Variants in GRTP1 observed in about 807,000 individuals in gnomAD.
GRTP1 encodes growth hormone-regulated TBC protein 1.
A neutral mutation model predicts 38.1 loss-of-function variants in GRTP1; 56 were observed. The observed-to-expected ratio is 1.47, with a 90% CI of 1.19 to 1.84. GRTP1 has a LOEUF of 1.84. GRTP1 is among the 40% of genes most tolerant of loss of function. GRTP1 has a pLI of 0.00. For synonymous variants in GRTP1, 217 were observed against 189.5 expected, an observed-to-expected ratio of 1.14 and a Z score of -1.19; for missense variants, 506 against 453.9, an observed-to-expected ratio of 1.11 and a Z score of -1.04.
intron 4 of GRTP1, among the ~76,000 whole-genome samples, chr13:113,347,609 C>T (rs796499031): frequency 4.3e-5 from 3 of 69,642 alleles, no homozygotes; most frequent in South Asian, 4.5e-4. Context: ...CCCGGGAGGA[C>T]CTCTGTGGCT....
At chr13:113,338,183 G>A (rs749194275) in intron 5 of GRTP1, among the ~76,000 whole-genome samples, 1 of 152,090 alleles carries the variant, frequency 6.6e-6, no homozygotes, top group Non-Finnish European at 1.5e-5. Context: ...GGGGAGCGGC[G>A]TCTGCACCTT....
intron 3 of GRTP1, among the ~76,000 whole-genome samples, chr13:113,351,199 C>T (rs1340782833): frequency 2.6e-5 from 4 of 152,112 alleles, no homozygotes; most frequent in African/African-American, 7.2e-5. Context: ...CCGTCCTTCC[C>T]GCAGAGTCAG....
intron 5 of GRTP1, among the ~76,000 whole-genome samples, chr13:113,337,445 CT>C (rs2042968659): frequency 6.6e-6 from 1 of 152,186 alleles, no homozygotes; most frequent in African/African-American, 2.4e-5. Context: ...CTCAATTAAA[CT>C]TTATCTGCTA....
chr13:113,324,690 C>G, intron 7 of GRTP1, 113 bp from the exon 8 acceptor site: 1 of 1,484,024 alleles, frequency 6.7e-7, no homozygotes. Context: ...GAGGAGCAGT[C>G]CACATCCAAG....
chr13:113,325,895 C>T (rs528771649), intron 6 of GRTP1, 24 bp downstream of exon 6: 2 of 1,613,914 alleles, frequency 1.2e-6, no homozygotes, highest in African/African-American at 1.3e-5. Flanking sequence ...CCCGCCCGCC[C>T]CAGGGCCCGA....
chr13:113,363,762 C>T lies in GRTP1; in HGVS notation c.181G>A (p.Val61Met), dbSNP rs533089927. Residue 61 changes from valine (V) to methionine (M), a missense_variant and splice_region_variant, in exon 2 of 8, where the codon GTG becomes ATG. By Grantham distance (21) the Val-to-Met change is conservative. Coordinates refer to ENST00000375431, the MANE Select transcript of GRTP1 (RefSeq NM_024719.4). ...QGGGVPRSRT[V>M]KRYVRKGVPL... ...ACCCACCTGCGCCCCCGGGACCCAC[C>T]TGTCCGGCTCCTGGGGACGCCCCCG... is the stretch of plus-strand genomic sequence containing the variant. The T allele has an allele frequency of 6.2e-7, 1 of 1,608,026 alleles. No homozygotes were observed. The highest frequency in any genetic ancestry group is 1.1e-5 in the South Asian group (1 of 90,316).
At chr13:113,354,373 G>C (rs1357798846) in intron 3 of GRTP1, among the ~76,000 whole-genome samples, 1 of 152,174 alleles carries the variant, frequency 6.6e-6, no homozygotes, top group Admixed American at 6.5e-5. Context: ...GATGCACCAT[G>C]TCCTCCCCGT....
rs540790968 is a variant in GRTP1, at chr13:113,355,475, C to A, written c.188G>T (p.Arg63Leu). ...CAGCGGGACCCCTTTCCGGACATAG[C>A]GCTTCACTGAAGGCCGAGAGGACGG... ...GGVPRSRTVKRYVRKGVPLEH... is the reference protein window; with the variant it reads ...GGVPRSRTVKLYVRKGVPLEH... The change falls in exon 3 of 8, where the codon CGC becomes CTC. Residue 63 changes from arginine to leucine, a missense_variant. Arg to Leu is a moderately radical substitution (Grantham distance 102). Coordinates refer to ENST00000375431, the MANE Select transcript of GRTP1 (RefSeq NM_024719.4). 1.1e-4 allele frequency: 175 copies of A among 1,608,964 alleles called. No homozygotes were observed. In the African/African-American group the frequency reaches 2.1e-3, roughly 19 times the overall value.
intron 4 of GRTP1, among the ~76,000 whole-genome samples, chr13:113,347,550 C>A (rs2043177877): frequency 1.2e-5 from 1 of 84,638 alleles, no homozygotes. Flanking sequence ...CCGGGAGGAC[C>A]TCTGTGGCAG....
chr13:113,339,660 T>A (rs2043000300), intron 5 of GRTP1: 1 of 152,244 alleles, frequency 6.6e-6, no homozygotes, highest in Non-Finnish European at 1.5e-5. Context: ...CTATCTGGCT[T>A]CGCAATTTTG....
rs1336481083 is a variant in GRTP1 at position 113,343,553 on chromosome 13, C to A, written c.562+1310G>T. ...AGGACACACACTATGGTCTGTGAGT[C>A]ACACAGCCAGGATCTGAACCAGGCT... On this transcript the variant is annotated intron_variant, in intron 5 of 7. Transcript: ENST00000375431. This position sits in a 1 kb window ranked among gnomAD's most constrained non-coding sequence, Gnocchi z 4.8. Among the ~76,000 whole-genome samples, 3 of 152,230 alleles carry A rather than the reference C, an allele frequency of 2.0e-5. No homozygotes were observed. Among genetic ancestry groups the A allele is most frequent in the Non-Finnish European group, 2.9e-5 (2 of 68,044 alleles).
At chr13:113,363,038 C>G (rs916970722) in intron 2 of GRTP1, among the ~76,000 whole-genome samples, 2 of 152,194 alleles carry the variant, frequency 1.3e-5, no homozygotes, top group African/African-American at 4.8e-5. Flanking sequence ...CCAGCAGGGG[C>G]TGTGCTGGGA....
chr13:113,332,924 C>T (rs887150049), intron 5 of GRTP1, among the ~76,000 whole-genome samples: 1 of 152,282 alleles, frequency 6.6e-6, no homozygotes, highest in Non-Finnish European at 1.5e-5. Context: ...CCAGTGTGTG[C>T]AGCCCAGGAG....
chr13:113,331,845 C>T (rs202132355), intron 5 of GRTP1, among the ~76,000 whole-genome samples: 2 of 150,474 alleles, frequency 1.3e-5, no homozygotes, highest in Admixed American at 1.3e-4. Flanking sequence ...TTAGTAGAGA[C>T]GGGGTTTCAT....
At chr13:113,337,048 C>G (rs1418966948) in intron 5 of GRTP1, among the ~76,000 whole-genome samples, 3 of 152,214 alleles carry the variant, frequency 2.0e-5, no homozygotes, top group Non-Finnish European at 2.9e-5. Context: ...AATCCCGGCA[C>G]TTTGGAAGGC....
chr13:113,325,573 C>A (rs763594623), intron 7 of GRTP1, 88 bp downstream of exon 7: 2 of 1,603,550 alleles, frequency 1.2e-6, no homozygotes, highest in Non-Finnish European at 8.5e-7. Context: ...CCGTCCTGTG[C>A]ACCCTCCGGG....
intron 5 of GRTP1, among the ~76,000 whole-genome samples, chr13:113,337,847 C>G (rs758976416): frequency 6.6e-6 from 1 of 152,262 alleles, no homozygotes; most frequent in African/African-American, 2.4e-5. Context: ...GCAATTGCGG[C>G]GCCAAGAGCC....
intron 5 of GRTP1, among the ~76,000 whole-genome samples, chr13:113,335,371 C>T (rs376747399): frequency 6.6e-6 from 1 of 151,316 alleles, no homozygotes; most frequent in Non-Finnish European, 1.5e-5. Flanking sequence ...TGCAGTGAGC[C>T]GAGATCATGC....
Position 113,342,302 on chromosome 13 carries a change from G to A in GRTP1, c.562+2561C>T, listed in dbSNP as rs992655525. 1.3e-5 allele frequency among the ~76,000 whole-genome samples: 2 copies of A among 151,932 alleles called. No individual in the cohort carries two copies. Among genetic ancestry groups the A allele is most frequent in the East Asian group, 1.9e-4 (1 of 5,170 alleles). On this transcript the variant is annotated intron_variant, in intron 5 of 7. Transcript: ENST00000375431. This position sits in a 1 kb window ranked among gnomAD's most constrained non-coding sequence, Gnocchi z 4.5. ...AGGCGGATCACGAGGTCAGGAGATC[G>A]AGACCATCCTGGCTAACACGGTGAA...
Sources: allele counts gnomAD v4.1 joint callset (sites outside exome capture counted in the v4.1 genomes callset), GRCh38; gene constraint gnomAD v4.1.1; non-coding constraint Gnocchi (gnomAD v3.1); transcripts MANE v1.5; gene names NCBI Gene and HGNC (gene_info 2026-07-23, HGNC 2026-07-21).